Variants in MEGF10 observed in about 807,000 individuals in gnomAD.
MEGF10 encodes multiple epidermal growth factor-like domains protein 10.
A neutral mutation model predicts 147.5 loss-of-function variants in MEGF10; 86 were observed. The observed-to-expected ratio is 0.58, with a 90% CI of 0.49 to 0.70. MEGF10 has a LOEUF of 0.70. Ranked by LOEUF, MEGF10 falls within the 30% of genes least tolerant of loss-of-function variation. The pLI is 0.00. For synonymous variants in MEGF10, 478 were observed against 525.5 expected (o/e 0.91, Z 1.24); for missense variants, 1,329 against 1,487.3 (o/e 0.89, Z 1.75).
chr5:127,417,955 A>G (rs1764840448), intron 10 of MEGF10, 143 bp downstream of exon 10: 20 of 838,252 alleles, frequency 2.4e-5, no homozygotes, highest in South Asian at 3.8e-5. Context: ...AAATGAGGGG[A>G]AAAATGCTAA....
At chr5:127,436,621 A>C (rs1309324559) in intron 16 of MEGF10, among the ~76,000 whole-genome samples, 3 of 152,338 alleles carry the variant, frequency 2.0e-5, no homozygotes, top group South Asian at 2.1e-4. Flanking sequence ...CTCCTTTAAA[A>C]AGTAGTCTTT....
intron 9 of MEGF10, among the ~76,000 whole-genome samples, 193 bp from the exon 10 acceptor site, chr5:127,417,445 A>G (rs908199546): frequency 6.6e-6 from 1 of 152,250 alleles, no homozygotes; most frequent in African/African-American, 2.4e-5. Context: ...TGCTGATTTC[A>G]TACAACATTC....
At position 127,363,237 on chromosome 5, in the gene MEGF10, A is replaced by G. The variant is rs186563685; in HGVS notation, c.320-6673A>G. Among the ~76,000 whole-genome samples, 542 of 152,348 alleles carry G rather than the reference A, an allele frequency of 3.6e-3. 2 individuals carry two copies. Among genetic ancestry groups the G allele is most frequent in the Non-Finnish European group, 6.1e-3 (414 of 68,032 alleles). ...ACTGACTCACCTGAAAGATCGTTCA[A>G]AAGAGCAGTGTATTAGTTACAAATC... On this transcript the variant is annotated intron_variant, in intron 4 of 24. Transcript: ENST00000503335.
At chr5:127,264,724 T>A in the MEGF10 span, among the ~76,000 whole-genome samples, 2 of 152,138 alleles carry the variant, frequency 1.3e-5, no homozygotes, top group Non-Finnish European at 2.9e-5. Flanking sequence ...TAATCCTAAA[T>A]ACATGATAAA....
At chr5:127,446,510 A>G (rs28622404) in intron 20 of MEGF10, among the ~76,000 whole-genome samples, 1 of 152,202 alleles carries the variant, frequency 6.6e-6, no homozygotes, top group Non-Finnish European at 1.5e-5. Context: ...TCCCAGCTGT[A>G]CCAGCCCCAA....
rs1765727854 is a variant in MEGF10, at chr5:127,440,786, T to C, written c.2281T>C (p.Cys761Arg). Residue 761 changes from cysteine to arginine, a missense_variant, in exon 18 of 25, where the codon TGT (cysteine) becomes CGT (arginine). Physicochemically the swap from Cys to Arg is radical, Grantham distance 180. Transcript: ENST00000503335. ...AAAAGATTGTGCACTGATATGCCAA[T>C]GTCAAAACGGAGCTGACTGCGACCA... ...YGKDCALICQ[C>R]QNGADCDHIS... 3.1e-6 allele frequency: 5 copies of C among 1,614,146 alleles called. No individual in the cohort carries two copies. The highest frequency in any genetic ancestry group is 4.2e-6 in the Non-Finnish European group (5 of 1,179,984).
At chr5:127,408,090 C>T (rs1764402904) in intron 8 of MEGF10, among the ~76,000 whole-genome samples, 1 of 152,006 alleles carries the variant, frequency 6.6e-6, no homozygotes, top group Admixed American at 6.6e-5. Context: ...GGGTCAAGGC[C>T]AGCTATTATA....
intron 21 of MEGF10, 28 bp from the exon 22 acceptor site, chr5:127,449,071 A>G (rs753415666): frequency 1.2e-6 from 2 of 1,613,338 alleles, no homozygotes; most frequent in Middle Eastern, 1.7e-4. Context: ...TTTTGTTTTT[A>G]ATCTTTCGTT....
At chr5:127,317,953 A>G (rs1251854017) in intron 1 of MEGF10, among the ~76,000 whole-genome samples, 1 of 152,158 alleles carries the variant, frequency 6.6e-6, no homozygotes, top group African/African-American at 2.4e-5. Context: ...TTTTTAAAGC[A>G]TTGGTGACAG....
At chr5:127,329,769 T>C (rs932708088) in intron 1 of MEGF10, among the ~76,000 whole-genome samples, 2 of 152,152 alleles carry the variant, frequency 1.3e-5, no homozygotes, top group African/African-American at 4.8e-5. Context: ...AATTAAGAAA[T>C]GGATCAGTGA....
intron 5 of MEGF10, among the ~76,000 whole-genome samples, chr5:127,389,909 C>T (rs1763580014): frequency 6.6e-6 from 1 of 152,184 alleles, no homozygotes; most frequent in Admixed American, 6.5e-5. Context: ...CGCACATATA[C>T]TTCCTTTTTA....
intron 1 of MEGF10, among the ~76,000 whole-genome samples, chr5:127,306,813 G>C (rs1372657719): frequency 6.6e-6 from 1 of 152,204 alleles, no homozygotes; most frequent in African/African-American, 2.4e-5. Flanking sequence ...CATTGACTCA[G>C]TTCAAGTTTT....
the MEGF10 span, among the ~76,000 whole-genome samples, chr5:127,269,317 T>C: frequency 6.6e-6 from 1 of 152,246 alleles, no homozygotes; most frequent in East Asian, 1.9e-4. Flanking sequence ...TCAAACCCAA[T>C]GCAAAGAAGT....
chr5:127,267,713 G>T, the MEGF10 span, among the ~76,000 whole-genome samples: 4 of 152,130 alleles, frequency 2.6e-5, no homozygotes, highest in Admixed American at 6.5e-5. Flanking sequence ...TTTGCATAGA[G>T]GTGTTTATAG....
chr5:127,315,354 T>G (rs994374771), intron 1 of MEGF10, among the ~76,000 whole-genome samples: 2 of 152,178 alleles, frequency 1.3e-5, no homozygotes, highest in Non-Finnish European at 2.9e-5. Flanking sequence ...CTTGCCTTAT[T>G]TAGGTAATAT....
At chr5:127,331,217 G>A in intron 1 of MEGF10, 74 bp from the exon 2 acceptor site, 2 of 747,412 alleles carry the variant, frequency 2.7e-6, no homozygotes. Context: ...GGTACCTGGT[G>A]GTTGCTGTAC....
chr5:127,417,492 T>C, intron 9 of MEGF10, 146 bp from the exon 10 acceptor site: 1 of 778,690 alleles, frequency 1.3e-6, no homozygotes, highest in Non-Finnish European at 2.1e-6. Context: ...ATTAATTAAA[T>C]CATACCAAGC....
At chr5:127,278,237 A>G in the MEGF10 span, among the ~76,000 whole-genome samples, 1 of 152,150 alleles carries the variant, frequency 6.6e-6, no homozygotes, top group Non-Finnish European at 1.5e-5. Context: ...GGTATCCAGG[A>G]TATCAAGTCA....
chr5:127,256,022 T>TC, the MEGF10 span, among the ~76,000 whole-genome samples: 1 of 152,062 alleles, frequency 6.6e-6, no homozygotes, highest in Non-Finnish European at 1.5e-5. Context: ...TGCTTCTGCA[T>TC]CCCCCAGCTC....
Sources: gnomAD v4.1 joint callset for allele counts (sites outside exome capture counted in the v4.1 genomes callset) on GRCh38, gnomAD v4.1.1 for gene constraint, MANE v1.5 for transcripts, NCBI Gene and HGNC (gene_info 2026-07-23, HGNC 2026-07-21) for gene names.